The following MSRA variants were observed in gnomAD, a reference collection of about 807,000 sequenced individuals.
The protein encoded by MSRA is methionine sulfoxide reductase A.
MSRA carries 54 observed loss-of-function variants against 31.3 expected under a neutral mutation model. That is an observed-to-expected ratio of 1.73 (90% CI 1.39 to 2.17). MSRA has a LOEUF of 2.17. MSRA is among the 30% of genes most tolerant of loss of function. MSRA has a pLI of 0.00. For missense variants in MSRA, 507 were observed against 300.9 expected (o/e 1.69, Z -5.07); for synonymous variants, 169 against 116.5 (o/e 1.45, Z -2.90).
intron 1 of MSRA, among the ~76,000 whole-genome samples, chr8:10,192,197 G>T (rs1424943969): frequency 6.6e-6 from 1 of 152,220 alleles, no homozygotes; most frequent in African/African-American, 2.4e-5. Flanking sequence ...CATCACTCCT[G>T]TTGTGTTCTG....
chr8:10,393,654 T>A (rs1237710584), intron 5 of MSRA, among the ~76,000 whole-genome samples: 2 of 152,308 alleles, frequency 1.3e-5, no homozygotes, highest in South Asian at 2.1e-4. Flanking sequence ...GCGGAAAATG[T>A]GGGCAATCAG....
chr8:10,332,873 A>G (rs1369224458), intron 5 of MSRA, among the ~76,000 whole-genome samples: 1 of 152,206 alleles, frequency 6.6e-6, no homozygotes, highest in African/African-American at 2.4e-5. Context: ...GGCCAAATGG[A>G]AAATCTGGTT....
intron 5 of MSRA, among the ~76,000 whole-genome samples, chr8:10,351,160 G>A (rs1260330291): frequency 1.3e-5 from 2 of 149,396 alleles, no homozygotes; most frequent in Non-Finnish European, 2.9e-5. Flanking sequence ...TTGTCTCCAC[G>A]CTCATCCATT....
chr8:10,318,051 G>T (rs1179427304), intron 4 of MSRA, among the ~76,000 whole-genome samples: 1 of 152,170 alleles, frequency 6.6e-6, no homozygotes, highest in African/African-American at 2.4e-5. Context: ...CTGGGCCTTG[G>T]GCTGGGATGC....
At chr8:10,125,164 G>T (rs978131586) in intron 1 of MSRA, among the ~76,000 whole-genome samples, 30 of 152,214 alleles carry the variant, frequency 2.0e-4, no homozygotes, top group Admixed American at 3.9e-4. Flanking sequence ...TGTAATGGGT[G>T]TGACGGCTGC....
At chr8:10,313,148 G>C (rs1309699552) in intron 4 of MSRA, among the ~76,000 whole-genome samples, 4 of 152,192 alleles carry the variant, frequency 2.6e-5, no homozygotes, top group Admixed American at 1.3e-4. Flanking sequence ...GTGGAATGAG[G>C]AAGAAGTGAC....
intron 3 of MSRA, among the ~76,000 whole-genome samples, chr8:10,275,948 A>G (rs1799297428): frequency 6.6e-6 from 1 of 152,218 alleles, no homozygotes. Context: ...TTGCTCATGA[A>G]AAGTGAAATC....
At chr8:10,177,491 T>C (rs1484582313) in intron 1 of MSRA, among the ~76,000 whole-genome samples, 1 of 152,104 alleles carries the variant, frequency 6.6e-6, no homozygotes, top group African/African-American at 2.4e-5. Flanking sequence ...GCTTCATGAG[T>C]GTGTTGTTAT....
intron 3 of MSRA, among the ~76,000 whole-genome samples, chr8:10,272,644 C>G (rs1799107201): frequency 6.6e-6 from 1 of 152,226 alleles, no homozygotes; most frequent in Non-Finnish European, 1.5e-5. Context: ...CAAGTTGACA[C>G]ATAAAATTAA....
chr8:10,154,113 T>C lies in MSRA; in HGVS notation c.143-53720T>C, dbSNP rs1456433334. On this transcript the variant is annotated intron_variant, in intron 1 of 5. Coordinates refer to ENST00000317173, the MANE Select transcript of MSRA (RefSeq NM_012331.5). ...TATCCTTAACCCATAATATAGATTG[T>C]ATATTTGTTGAAAGTAGAATGCAAG... Among the ~76,000 whole-genome samples, 5 of 152,318 alleles carry C rather than the reference T, an allele frequency of 3.3e-5. No individual in the cohort carries two copies. The South Asian group carries it at 8.3e-4, about 25-fold the overall frequency.
intron 1 of MSRA, among the ~76,000 whole-genome samples, chr8:10,168,054 A>G (rs970440336): frequency 2.0e-5 from 3 of 152,164 alleles, no homozygotes; most frequent in Non-Finnish European, 2.9e-5. Context: ...TTGGGTTGCA[A>G]TCTCATCTAT....
intron 1 of MSRA, among the ~76,000 whole-genome samples, chr8:10,087,159 C>G (rs1184431841): frequency 6.6e-6 from 1 of 152,090 alleles, no homozygotes; most frequent in Non-Finnish European, 1.5e-5. Context: ...AGGGTTGGAG[C>G]CTTTCTGATG....
In MSRA at chr8:10,345,069, CAA is replaced by C. The variant is rs377291999; in HGVS notation, c.543+25081_543+25082del. ...CTCTCTTTCCATGGTCTTTCCCCCT[CAA>C]GGTTAGCCTGGCCTGGGTTGGCTCT... On this transcript the variant is annotated intron_variant, in intron 5 of 5. Coordinates refer to ENST00000317173, the MANE Select transcript of MSRA (RefSeq NM_012331.5). Among the ~76,000 whole-genome samples, 573 of 152,256 alleles carry C rather than the reference CAA, an allele frequency of 3.8e-3. 5 individuals carry two copies. Among genetic ancestry groups the C allele is most frequent in the Middle Eastern group, 0.02 (6 of 294 alleles).
At chr8:10,059,293 G>C (rs1394834452) in intron 1 of MSRA, among the ~76,000 whole-genome samples, 1 of 152,182 alleles carries the variant, frequency 6.6e-6, no homozygotes, top group Non-Finnish European at 1.5e-5. Flanking sequence ...GCCAGGCACT[G>C]TAGTAATTTA....
chr8:10,353,379 C>T (rs138534285), intron 5 of MSRA, among the ~76,000 whole-genome samples: 2 of 152,160 alleles, frequency 1.3e-5, no homozygotes, highest in Middle Eastern at 3.2e-3. Context: ...CTGAAGACCA[C>T]CAGGGCCGTC....
chr8:10,242,847 A>C (rs1797407432), intron 2 of MSRA, among the ~76,000 whole-genome samples: 1 of 152,138 alleles, frequency 6.6e-6, no homozygotes, highest in Admixed American at 6.5e-5. Context: ...CTGTGTCCTA[A>C]GTCACATTCC....
At chr8:10,387,566 G>A (rs1476995543) in intron 5 of MSRA, among the ~76,000 whole-genome samples, 1 of 152,222 alleles carries the variant, frequency 6.6e-6, no homozygotes, top group African/African-American at 2.4e-5. Flanking sequence ...AGAACAGACA[G>A]TGGCCTGAGT....
In MSRA at chr8:10,163,000, G is replaced by C. The variant is rs554929976; in HGVS notation, c.143-44833G>C. 9.9e-5 allele frequency among the ~76,000 whole-genome samples: 15 copies of C among 152,236 alleles called. No individual in the cohort carries two copies. The South Asian group carries it at 2.9e-3, about 29-fold the overall frequency. On this transcript the variant is annotated intron_variant, in intron 1 of 5. Transcript: ENST00000317173. ...AAATTCGTAAGTTAGTATTTGGGGAGGGGGCTCTGGGAGGTGATTTGTTAC... is the reference window on the plus strand; with the variant it reads ...AAATTCGTAAGTTAGTATTTGGGGACGGGGCTCTGGGAGGTGATTTGTTAC...
intron 3 of MSRA, among the ~76,000 whole-genome samples, chr8:10,270,455 T>C (rs1020880536): frequency 9.3e-5 from 14 of 150,060 alleles, no homozygotes; most frequent in African/African-American, 2.9e-4. Flanking sequence ...ATTTGTGTAA[T>C]AGAAATTCTA....
Sources: allele counts gnomAD v4.1 joint callset (sites outside exome capture counted in the v4.1 genomes callset), GRCh38; gene constraint gnomAD v4.1.1; transcripts MANE v1.5; gene names NCBI Gene and HGNC (gene_info 2026-07-23, HGNC 2026-07-21).